MYO3B: variants seen among roughly 807,000 people sequenced by gnomAD.
MYO3B encodes myosin-IIIb.
A neutral mutation model predicts 174.6 loss-of-function variants in MYO3B; 156 were observed. The observed-to-expected ratio is 0.89, with a 90% CI of 0.78 to 1.02. MYO3B has a LOEUF of 1.02. MYO3B is among the 50% of genes least tolerant of loss of function. The pLI is 0.00. For synonymous variants in MYO3B, 563 were observed against 569.1 expected (o/e 0.99, Z 0.15); for missense variants, 1,632 against 1,639.4 (o/e 1.00, Z 0.08).
intron 28 of MYO3B, among the ~76,000 whole-genome samples, chr2:170,509,026 A>T (rs1015022844): frequency 6.6e-6 from 1 of 150,452 alleles, no homozygotes; most frequent in Admixed American, 6.6e-5. Flanking sequence ...GGGGGAAAAA[A>T]GTCTGTGAAA....
intron 23 of MYO3B, among the ~76,000 whole-genome samples, chr2:170,455,762 A>C (rs74487014): frequency 0.019 from 2,866 of 152,216 alleles, 44 homozygotes; most frequent in South Asian, 0.057. Context: ...CTTACTCGTG[A>C]CTACTCTGAA....
chr2:170,443,541 G>A (rs2094818098), intron 22 of MYO3B, among the ~76,000 whole-genome samples: 1 of 152,014 alleles, frequency 6.6e-6, no homozygotes, highest in Non-Finnish European at 1.5e-5. Flanking sequence ...ATTGCTTTTG[G>A]TGTTTTAGTC....
chr2:170,359,287 CT>C (rs1464232692), intron 8 of MYO3B, among the ~76,000 whole-genome samples: 22 of 152,308 alleles, frequency 1.4e-4, no homozygotes, highest in African/African-American at 5.3e-4. Context: ...GACCTCTTCT[CT>C]TTTCTTTCAA....
At chr2:170,646,206 G>A (rs1030186149) in intron 32 of MYO3B, among the ~76,000 whole-genome samples, 1 of 151,650 alleles carries the variant, frequency 6.6e-6, no homozygotes, top group African/African-American at 2.4e-5. Flanking sequence ...GGGAGGCGGA[G>A]GTTGCGGTGA....
chr2:170,307,262 AAAAAAAG>A (rs2093707139), intron 7 of MYO3B, among the ~76,000 whole-genome samples: 1 of 149,896 alleles, frequency 6.7e-6, no homozygotes, highest in African/African-American at 2.5e-5. Flanking sequence ...AAAAAAAAAA[AAAAAAAG>A]TCTGTGATTC....
At chr2:170,395,780 A>T (rs981295544) in intron 16 of MYO3B, among the ~76,000 whole-genome samples, 1 of 152,216 alleles carries the variant, frequency 6.6e-6, no homozygotes, top group Non-Finnish European at 1.5e-5. Context: ...GGAAAGAGAG[A>T]CTGGGAACGG....
chr2:170,254,089 A>C (rs939321230), intron 7 of MYO3B, among the ~76,000 whole-genome samples: 3 of 152,124 alleles, frequency 2.0e-5, no homozygotes, highest in African/African-American at 7.2e-5. Flanking sequence ...ACATGGAGTC[A>C]CTGAGCACCA....
intron 3 of MYO3B, among the ~76,000 whole-genome samples, chr2:170,210,989 C>T (rs2092764081): frequency 6.6e-6 from 1 of 152,122 alleles, no homozygotes; most frequent in African/African-American, 2.4e-5. Context: ...CTGGGTGGGG[C>T]CCTTTAAGAG....
intron 32 of MYO3B, among the ~76,000 whole-genome samples, chr2:170,593,745 C>G (rs1693967683): frequency 6.6e-6 from 1 of 152,206 alleles, no homozygotes; most frequent in Non-Finnish European, 1.5e-5. Flanking sequence ...TAAATGAGCT[C>G]TATACACTTG....
At chr2:170,451,670 A>G (rs141584654) in intron 23 of MYO3B, among the ~76,000 whole-genome samples, 108 of 152,362 alleles carry the variant, frequency 7.1e-4, no homozygotes, top group African/African-American at 2.4e-3. Flanking sequence ...GCACTTTCAT[A>G]TATAAACATC....
chr2:170,368,696 A>C (rs1421700568), intron 8 of MYO3B, among the ~76,000 whole-genome samples: 3 of 152,192 alleles, frequency 2.0e-5, no homozygotes, highest in Non-Finnish European at 1.5e-5. Context: ...TCTTCAGAAG[A>C]CATTAGAAAT....
intron 21 of MYO3B, 113 bp from the exon 22 acceptor site, chr2:170,407,602 G>GAAAGC: frequency 3.3e-6 from 4 of 1,210,092 alleles, no homozygotes; most frequent in East Asian, 2.4e-5. Flanking sequence ...TGAAAGCTAT[G>GAAAGC]TAAAGATGAG....
intron 8 of MYO3B, among the ~76,000 whole-genome samples, chr2:170,352,943 C>T (rs776709276): frequency 6.6e-6 from 1 of 152,222 alleles, no homozygotes; most frequent in Non-Finnish European, 1.5e-5. Flanking sequence ...AAGGAACTCT[C>T]CTTCATTTTT....
intron 8 of MYO3B, among the ~76,000 whole-genome samples, chr2:170,336,421 T>A (rs1401298877): frequency 1.3e-5 from 2 of 152,080 alleles, no homozygotes; most frequent in East Asian, 3.9e-4. Context: ...GCAAAGTGGG[T>A]CTTTTGATCA....
At chr2:170,292,289 C>T (rs1179947611) in intron 7 of MYO3B, among the ~76,000 whole-genome samples, 1 of 152,054 alleles carries the variant, frequency 6.6e-6, no homozygotes, top group Admixed American at 6.6e-5. Context: ...ATTTTAATAT[C>T]TTTGTTAAAT....
chr2:170,652,430 TG>T (rs1248749338), intron 34 of MYO3B, among the ~76,000 whole-genome samples: 1 of 152,208 alleles, frequency 6.6e-6, no homozygotes, highest in African/African-American at 2.4e-5. Context: ...AGACATGTAG[TG>T]GGTTATATAA....
At chr2:170,198,858 C>T (rs1229068457) in intron 1 of MYO3B, among the ~76,000 whole-genome samples, 2 of 152,168 alleles carry the variant, frequency 1.3e-5, no homozygotes, top group Non-Finnish European at 2.9e-5. Flanking sequence ...TTTTCAGCCA[C>T]TTTCCCTGGC....
At chr2:170,409,679 G>A (rs1338446568) in intron 22 of MYO3B, among the ~76,000 whole-genome samples, 1 of 152,222 alleles carries the variant, frequency 6.6e-6, no homozygotes, top group Middle Eastern at 3.2e-3. Context: ...TAGTAATAAG[G>A]TACTTTTTAG....
At chr2:170,310,531 G>A (rs2093731456) in intron 7 of MYO3B, among the ~76,000 whole-genome samples, 2 of 151,968 alleles carry the variant, frequency 1.3e-5, no homozygotes, top group Non-Finnish European at 2.9e-5. Context: ...GGGCATGTTG[G>A]TGGGCACCTG....
Sources: gnomAD v4.1 joint callset for allele counts (sites outside exome capture counted in the v4.1 genomes callset) on GRCh38, gnomAD v4.1.1 for gene constraint, MANE v1.5 for transcripts, NCBI Gene and HGNC (gene_info 2026-07-23, HGNC 2026-07-21) for gene names.